Variants in LRMDA observed in about 807,000 individuals in gnomAD.
LRMDA encodes the protein leucine-rich melanocyte differentiation-associated protein.
Under a neutral mutation model 29.8 loss-of-function variants are expected in LRMDA, and 18 were observed. That is an observed-to-expected ratio of 0.60 (90% CI 0.42 to 0.90). The LOEUF is 0.90. LRMDA is among the 40% of genes least tolerant of loss of function. The pLI is 0.00. For missense variants in LRMDA, 273 were observed against 273.9 expected (o/e 1.00, Z 0.02); for synonymous variants, 125 against 109.4 (o/e 1.14, Z -0.89).
At chr10:76,105,860 T>A (rs1240741795) in intron 5 of LRMDA, among the ~76,000 whole-genome samples, 1 of 152,162 alleles carries the variant, frequency 6.6e-6, no homozygotes, top group African/African-American at 2.4e-5. Flanking sequence ...AATTCTCCTG[T>A]CTCAGCCTCC....
At chr10:75,479,222 A>G (rs1844830029) in intron 2 of LRMDA, among the ~76,000 whole-genome samples, 1 of 152,150 alleles carries the variant, frequency 6.6e-6, no homozygotes, top group East Asian at 1.9e-4. Context: ...AAGTACACCC[A>G]ACCGGCTTGG....
chr10:76,066,204 T>C (rs1452208881), intron 5 of LRMDA, among the ~76,000 whole-genome samples: 1 of 152,186 alleles, frequency 6.6e-6, no homozygotes, highest in African/African-American at 2.4e-5. Context: ...CCAACTACTG[T>C]AGGGTTTCTG....
chr10:75,485,767 AG>A (rs1844905848), intron 2 of LRMDA, among the ~76,000 whole-genome samples: 1 of 152,128 alleles, frequency 6.6e-6, no homozygotes, highest in South Asian at 2.1e-4. Flanking sequence ...TAGTGGAGAC[AG>A]TGTTTTGCTG....
At chr10:75,755,076 A>G (rs1342297485) in intron 2 of LRMDA, among the ~76,000 whole-genome samples, 1 of 148,636 alleles carries the variant, frequency 6.7e-6, no homozygotes, top group Non-Finnish European at 1.5e-5. Flanking sequence ...TTGTTTTTTT[A>G]AACTTTTGGC....
intron 2 of LRMDA, among the ~76,000 whole-genome samples, chr10:75,704,581 C>G (rs1344938303): frequency 6.6e-6 from 1 of 152,178 alleles, no homozygotes; most frequent in African/African-American, 2.4e-5. Context: ...GTTTAGGAAG[C>G]TAGTTCTTTT....
chr10:76,237,002 T>G (rs1269563083), intron 5 of LRMDA, among the ~76,000 whole-genome samples: 1 of 152,186 alleles, frequency 6.6e-6, no homozygotes, highest in Non-Finnish European at 1.5e-5. Flanking sequence ...AATACCTGAT[T>G]TTTTATCAAT....
At chr10:75,711,299 A>G (rs1429475852) in intron 2 of LRMDA, among the ~76,000 whole-genome samples, 1 of 152,162 alleles carries the variant, frequency 6.6e-6, no homozygotes, top group Non-Finnish European at 1.5e-5. Flanking sequence ...TTTGGGGGCA[A>G]GTTCCTGAAT....
At chr10:76,317,225 G>A (rs1164559572) in intron 5 of LRMDA, among the ~76,000 whole-genome samples, 1 of 152,152 alleles carries the variant, frequency 6.6e-6, no homozygotes, top group Non-Finnish European at 1.5e-5. Context: ...CTAAGTGTCA[G>A]TTTTTTTCAT....
At chr10:75,453,204 G>C (rs1467863005) in intron 2 of LRMDA, among the ~76,000 whole-genome samples, 2 of 152,176 alleles carry the variant, frequency 1.3e-5, no homozygotes, top group Admixed American at 6.5e-5. Context: ...TTCAGAGACA[G>C]AGAGAGAAAA....
chr10:76,105,512 A>T (rs1849466661), intron 5 of LRMDA, among the ~76,000 whole-genome samples: 1 of 152,134 alleles, frequency 6.6e-6, no homozygotes, highest in Admixed American at 6.5e-5. Flanking sequence ...TTCTAGGAAA[A>T]GTTCTTTTAA....
At chr10:76,179,176 C>T (rs1174734945) in intron 5 of LRMDA, among the ~76,000 whole-genome samples, 2 of 151,972 alleles carry the variant, frequency 1.3e-5, no homozygotes, top group Non-Finnish European at 2.9e-5. Flanking sequence ...GAGTTGATGA[C>T]TGATTAAAAA....
At chr10:75,965,263 T>C (rs968871920) in intron 2 of LRMDA, among the ~76,000 whole-genome samples, 4 of 152,232 alleles carry the variant, frequency 2.6e-5, no homozygotes. Context: ...TTAATTATTG[T>C]TGCTTATATT....
At chr10:76,347,417 C>G (rs918913407) in intron 6 of LRMDA, among the ~76,000 whole-genome samples, 8 of 152,124 alleles carry the variant, frequency 5.3e-5, no homozygotes, top group African/African-American at 1.7e-4. Context: ...ATTATAAATG[C>G]CATTTAGAGA....
intron 2 of LRMDA, among the ~76,000 whole-genome samples, chr10:75,803,658 A>G (rs1378316154): frequency 6.6e-6 from 1 of 152,260 alleles, no homozygotes; most frequent in Non-Finnish European, 1.5e-5. Context: ...TGACCCATGC[A>G]GAGTCCTTAG....
intron 1 of LRMDA, among the ~76,000 whole-genome samples, chr10:75,435,853 C>G (rs536671839): frequency 5.9e-5 from 9 of 152,244 alleles, no homozygotes; most frequent in Non-Finnish European, 1.3e-4. Context: ...AAGTTCTTGC[C>G]CTTTCAGCTC....
intron 6 of LRMDA, among the ~76,000 whole-genome samples, chr10:76,539,935 A>G (rs1843333994): frequency 6.6e-6 from 1 of 152,098 alleles, no homozygotes; most frequent in Admixed American, 6.6e-5. Context: ...CAGGTAATCA[A>G]GAATTGGGTG....
intron 5 of LRMDA, among the ~76,000 whole-genome samples, chr10:76,149,467 G>C (rs898953162): frequency 2.6e-5 from 4 of 152,128 alleles, no homozygotes; most frequent in African/African-American, 4.8e-5. Flanking sequence ...CAGAGAGTAT[G>C]CTCTGGTCTA....
At chr10:75,644,033 T>G (rs1841484449) in intron 2 of LRMDA, among the ~76,000 whole-genome samples, 1 of 152,214 alleles carries the variant, frequency 6.6e-6, no homozygotes, top group South Asian at 2.1e-4. Flanking sequence ...GGACATGAGT[T>G]AAATGTTCGA....
chr10:76,253,705 A>T (rs1437787965), intron 5 of LRMDA, among the ~76,000 whole-genome samples: 1 of 152,148 alleles, frequency 6.6e-6, no homozygotes, highest in Non-Finnish European at 1.5e-5. Flanking sequence ...AATCAACAAA[A>T]ATATTTGCCC....
Sources: gnomAD v4.1 joint callset for allele counts (sites outside exome capture counted in the v4.1 genomes callset) on GRCh38, gnomAD v4.1.1 for gene constraint, MANE v1.5 for transcripts, NCBI Gene and HGNC (gene_info 2026-07-23, HGNC 2026-07-21) for gene names.